The following NBPF26 variants were observed in gnomAD, a reference collection of about 807,000 sequenced individuals.
NBPF26 encodes the protein NBPF family member NBPF26.
In NBPF26, 79 loss-of-function variants were observed where a neutral mutation model predicts 119.6. The observed-to-expected ratio is 0.66, with a 90% CI of 0.55 to 0.80. The LOEUF (loss-of-function observed/expected upper bound fraction) is 0.80, where lower values mean the gene tolerates loss of function less well. Among genes scored for constraint, NBPF26 ranks in the 30% least tolerant of loss-of-function variants. NBPF26 has a pLI of 0.00. For missense variants in NBPF26, 800 were observed against 1,198.2 expected, an observed-to-expected ratio of 0.67 and a Z score of 4.91; for synonymous variants, 299 against 457.7, an observed-to-expected ratio of 0.65 and a Z score of 4.43.
chr1:120,724,495 C>T (rs1351704673), intron 1 of NBPF26, among the ~76,000 whole-genome samples: 1 of 121,210 alleles, frequency 8.3e-6, no homozygotes, highest in Non-Finnish European at 1.6e-5. Flanking sequence ...CACGCCTCCT[C>T]GGCAGGAGGG....
intron 1 of NBPF26, among the ~76,000 whole-genome samples, chr1:120,752,535 TATATATATATATATATATA>T (rs1651028939): frequency 6.8e-5 from 1 of 14,692 alleles, no homozygotes; most frequent in Admixed American, 8.2e-4. Context: ...TATATATATA[TATATATATATATATATATA>T]TTTTTTTTTT....
exon 5 of NBPF26, chr1:120,805,702 C>T: frequency 6.9e-7 from 1 of 1,455,766 alleles, no homozygotes; most frequent in East Asian, 2.3e-5. Flanking sequence ...GTTGAGAAAC[C>T]TCAAAGAGAA....
chr1:120,812,917 CTAAAAATAATAATAA>C (rs1651904482), intron 10 of NBPF26, among the ~76,000 whole-genome samples: 13 of 84,624 alleles, frequency 1.5e-4, no homozygotes, highest in Admixed American at 2.1e-4. Flanking sequence ...GGCAAGACTG[CTAAAAATAATAATAA>C]TAATAATAAT....
rs1257789946 is a variant in NBPF26, at chr1:120,785,172, C to A, written c.354C>A (p.Gly118=). Reference sequence around the variant, plus strand: ...TTGTGTCTCGACCTTGCCTGAATGGCGGCACATGCCATATGCTCAGCCGGG... The same window carrying A: ...TTGTGTCTCGACCTTGCCTGAATGGAGGCACATGCCATATGCTCAGCCGGG... Residue 118 remains glycine (G), a synonymous_variant, in exon 3 of 30, where the codon GGC becomes GGA. Transcript: ENST00000620612. 4.5e-4 allele frequency: 644 copies of A among 1,445,788 alleles called. 143 individuals carry two copies. In the Middle Eastern group the frequency reaches 5.1e-3, roughly 12 times the overall value. 89.6% of individuals were successfully genotyped at this position (1,445,788 alleles called of 1,614,324 possible). A position where few individuals can be genotyped will look rare whatever the true frequency, so the allele number is the denominator to read the frequency against.
rs1332563297 is a variant in NBPF26 at position 120,784,761 on chromosome 1, A to AT, written c.156-208dup. The stretch of plus-strand genomic sequence containing the variant: ...GAATGTAAACTCCAAGAGTGTAAGA[A>AT]TTTTTCTGCCAGGACTCAAAAGGAC... On this transcript the variant is annotated intron_variant, in intron 2 of 29. Coordinates refer to ENST00000620612, the Ensembl canonical transcript of NBPF26. 2.5e-5 allele frequency among the ~76,000 whole-genome samples: 3 copies of AT among 117,918 alleles called. 1 individual carries two copies. The highest frequency in any genetic ancestry group is 1.5e-4 in the African/African-American group (3 of 20,268). 77.4% of individuals were successfully genotyped at this position (117,918 alleles called of 152,430 possible). A position where few individuals can be genotyped will look rare whatever the true frequency, so the allele number is the denominator to read the frequency against.
At chr1:120,806,711 G>A (rs1287465809) in intron 5 of NBPF26, among the ~76,000 whole-genome samples, 1 of 121,696 alleles carries the variant, frequency 8.2e-6, no homozygotes, top group East Asian at 2.0e-4. Context: ...GAGGAAGAAA[G>A]ATCACACCCG....
chr1:120,808,454 G>C (rs1409844972), intron 6 of NBPF26, 91 bp from the exon 7 acceptor site: 2 of 1,102,296 alleles, frequency 1.8e-6, no homozygotes, highest in South Asian at 1.3e-5. Flanking sequence ...AGGTCTCCTT[G>C]AGGACATTGT....
chr1:120,765,737 C>T (rs1651184012), intron 2 of NBPF26, among the ~76,000 whole-genome samples: 1 of 119,078 alleles, frequency 8.4e-6, no homozygotes, highest in South Asian at 2.5e-4. Context: ...ACCCAAATGC[C>T]CAACGGTGAT....
intron 3 of NBPF26, among the ~76,000 whole-genome samples, chr1:120,789,925 C>A (rs1651464735): frequency 1.3e-5 from 1 of 75,176 alleles, no homozygotes; most frequent in Non-Finnish European, 2.3e-5. Context: ...ATTAAAATGT[C>A]ACTCTGAAAT....
In NBPF26 at chr1:120,823,506, T is replaced by C. The variant is rs1194309439; in HGVS notation, c.2639+146T>C. The C allele has an allele frequency of 5.1e-6, 3 of 583,036 alleles. No homozygotes were observed. In the Admixed American group the frequency reaches 9.2e-5, roughly 18 times the overall value. The allele number at this position is 583,036 out of a possible 1,614,324, so 36.1% of individuals were successfully genotyped here. On this transcript the variant is annotated intron_variant, in intron 17 of 29. Coordinates refer to ENST00000620612, the Ensembl canonical transcript of NBPF26. ...CTACTACATTGCTTTTTGGTTCTCATTAGAGTAAATCTTTAGGTTTCCATT... is the reference window on the plus strand; with the variant it reads ...CTACTACATTGCTTTTTGGTTCTCACTAGAGTAAATCTTTAGGTTTCCATT...
At position 120,816,841 on chromosome 1, in the gene NBPF26, T is replaced by A. The variant is rs1652018378; in HGVS notation, c.2371+14T>A. On this transcript the variant is annotated intron_variant, in intron 14 of 29. Coordinates refer to ENST00000620612, the Ensembl canonical transcript of NBPF26. ...ACATTATTCCAGGTAGCCTCTGTTTTCCTTGTGTCTCATACCTCTTTCTTG... is the reference window on the plus strand; with the variant it reads ...ACATTATTCCAGGTAGCCTCTGTTTACCTTGTGTCTCATACCTCTTTCTTG... 1 of 1,449,254 alleles carries A rather than the reference T, an allele frequency of 6.9e-7. No homozygotes were observed. The highest frequency in any genetic ancestry group is 9.2e-7 in the Non-Finnish European group (1 of 1,082,666). 89.8% of individuals were successfully genotyped at this position (1,449,254 alleles called of 1,614,324 possible).
chr1:120,805,178 G>A (rs1229460544), intron 4 of NBPF26, among the ~76,000 whole-genome samples: 1 of 118,774 alleles, frequency 8.4e-6, no homozygotes, highest in Non-Finnish European at 1.6e-5. Context: ...GATCCCCATT[G>A]GTGGTGACCC....
chr1:120,759,924 A>G (rs1390001571), intron 1 of NBPF26, among the ~76,000 whole-genome samples: 1 of 102,204 alleles, frequency 9.8e-6, no homozygotes, highest in Non-Finnish European at 1.8e-5. Context: ...ATATACAAAA[A>G]AATTCTTCTT....
chr1:120,823,028 T>A (rs1412607346), intron 16 of NBPF26, among the ~76,000 whole-genome samples: 1 of 123,354 alleles, frequency 8.1e-6, no homozygotes, highest in Non-Finnish European at 1.6e-5. Context: ...TGCCTACAAT[T>A]TATTGGGGAA....
chr1:120,790,062 G>T (rs1651467019), intron 3 of NBPF26, among the ~76,000 whole-genome samples: 2 of 78,884 alleles, frequency 2.5e-5, no homozygotes, highest in East Asian at 5.3e-4. Flanking sequence ...TGTCATCCAG[G>T]CTGGAGTGCA....
intron 1 of NBPF26, among the ~76,000 whole-genome samples, chr1:120,732,915 CT>C (rs1242975452): frequency 9.8e-6 from 1 of 102,476 alleles, no homozygotes; most frequent in Non-Finnish European, 1.8e-5. Context: ...TTATACTTTG[CT>C]GATTTTCTCT....
At chr1:120,754,381 A>G (rs1381635059) in intron 1 of NBPF26, among the ~76,000 whole-genome samples, 1 of 42,422 alleles carries the variant, frequency 2.4e-5, no homozygotes, top group Non-Finnish European at 4.0e-5. Flanking sequence ...TAAGCAGCAC[A>G]CAAATATATA....
At chr1:120,795,920 A>ATG (rs1177600530) in intron 4 of NBPF26, among the ~76,000 whole-genome samples, 452 of 19,602 alleles carry the variant, frequency 0.023, 149 homozygotes, top group East Asian at 0.044. Flanking sequence ...ACATATCAAT[A>ATG]TGTGTGTGTG....
At chr1:120,762,389 G>T (rs1371216172) in intron 1 of NBPF26, among the ~76,000 whole-genome samples, 4 of 62,984 alleles carry the variant, frequency 6.4e-5, no homozygotes, top group Non-Finnish European at 1.1e-4. Flanking sequence ...TGCAGTAATT[G>T]TTGTTGGAGG....
Sources: allele counts gnomAD v4.1 joint callset (sites outside exome capture counted in the v4.1 genomes callset), GRCh38; gene constraint gnomAD v4.1.1; transcripts MANE v1.5; gene names NCBI Gene and HGNC (gene_info 2026-07-23, HGNC 2026-07-21).